NLGN1: variants seen among roughly 807,000 people sequenced by gnomAD.
The protein encoded by NLGN1 is neuroligin 1, also known as neuroligin-1.
A neutral mutation model predicts 65.5 loss-of-function variants in NLGN1; 12 were observed. That is an observed-to-expected ratio of 0.18 (90% CI 0.12 to 0.30). NLGN1 has a LOEUF of 0.30. Among genes scored for constraint, NLGN1 ranks in the 10% least tolerant of loss-of-function variants. The pLI, the probability that NLGN1 is intolerant of heterozygous loss-of-function variation, is 1.00. For missense variants in NLGN1, 750 were observed against 1,007.1 expected, an observed-to-expected ratio of 0.74 and a Z score of 3.46; for synonymous variants, 350 against 359.5, an observed-to-expected ratio of 0.97 and a Z score of 0.30.
intron 3 of NLGN1, among the ~76,000 whole-genome samples, chr3:173,767,532 G>C (rs1037307497): frequency 2.6e-5 from 4 of 151,852 alleles, no homozygotes; most frequent in African/African-American, 4.8e-5. Context: ...CTAAATGATC[G>C]TAATAACAGA....
intron 3 of NLGN1, among the ~76,000 whole-genome samples, chr3:173,617,328 A>C (rs1351139109): frequency 6.6e-6 from 1 of 152,200 alleles, no homozygotes; most frequent in Non-Finnish European, 1.5e-5. Context: ...GCCCCAGAAG[A>C]ACGTTTCTCT....
chr3:173,476,695 G>T (rs1036741822), intron 2 of NLGN1, among the ~76,000 whole-genome samples: 1 of 152,180 alleles, frequency 6.6e-6, no homozygotes, highest in African/African-American at 2.4e-5. Flanking sequence ...GCAAGGTACG[G>T]TTGCATTTTG....
intron 3 of NLGN1, among the ~76,000 whole-genome samples, chr3:173,781,144 C>CAAAAAA (rs769716428): frequency 3.7e-5 from 3 of 80,386 alleles, no homozygotes; most frequent in South Asian, 3.6e-4. Context: ...GACTCCGTCT[C>CAAAAAA]AAAAAAAAAA....
intron 4 of NLGN1, among the ~76,000 whole-genome samples, chr3:174,081,790 C>T (rs1407396432): frequency 1.3e-5 from 2 of 151,938 alleles, no homozygotes; most frequent in Non-Finnish European, 2.9e-5. Context: ...AGGCTGGTCT[C>T]GAACTCCCGA....
chr3:173,922,856 A>C (rs910285519), intron 4 of NLGN1, among the ~76,000 whole-genome samples: 1 of 152,134 alleles, frequency 6.6e-6, no homozygotes, highest in Admixed American at 6.6e-5. Flanking sequence ...AAATTCCACG[A>C]GCAATTCCAT....
chr3:174,107,017 C>CAG (rs71162376), intron 4 of NLGN1, among the ~76,000 whole-genome samples: 1,922 of 97,622 alleles, frequency 0.02, 76 homozygotes, highest in East Asian at 0.17. Flanking sequence ...CACACACACA[C>CAG]AGAGAGAGAG....
intron 2 of NLGN1, among the ~76,000 whole-genome samples, chr3:173,584,399 A>ATTTTTT (rs66827074): frequency 1.9e-3 from 58 of 30,822 alleles, no homozygotes; most frequent in African/African-American, 2.9e-3. Context: ...GGTCCTCGGC[A>ATTTTTT]TTTTTTTTTT....
intron 4 of NLGN1, among the ~76,000 whole-genome samples, chr3:174,018,467 A>AT (rs1727065195): frequency 6.6e-6 from 1 of 152,178 alleles, no homozygotes; most frequent in Non-Finnish European, 1.5e-5. Context: ...GGCATAAGAA[A>AT]TTATAAAAGT....
intron 3 of NLGN1, among the ~76,000 whole-genome samples, chr3:173,715,709 A>G (rs2292052): frequency 6.6e-6 from 1 of 152,150 alleles, no homozygotes; most frequent in Non-Finnish European, 1.5e-5. Context: ...AATAGCATCA[A>G]TTTTTAAGCT....
intron 4 of NLGN1, among the ~76,000 whole-genome samples, chr3:174,166,990 T>C (rs1309806796): frequency 1.3e-5 from 2 of 152,092 alleles, no homozygotes; most frequent in African/African-American, 4.8e-5. Context: ...TTATCTGATA[T>C]AAGAATTGCA....
At chr3:173,733,688 C>A (rs1773241881) in intron 3 of NLGN1, among the ~76,000 whole-genome samples, 1 of 152,030 alleles carries the variant, frequency 6.6e-6, no homozygotes, top group African/African-American at 2.4e-5. Flanking sequence ...GTATATAAAC[C>A]ATTTTTGCTG....
At chr3:173,440,621 G>GC (rs1208947911) in intron 2 of NLGN1, among the ~76,000 whole-genome samples, 1 of 152,098 alleles carries the variant, frequency 6.6e-6, no homozygotes, top group Non-Finnish European at 1.5e-5. Context: ...TTGTCAATGA[G>GC]CAGTAATATT....
chr3:173,994,220 G>A (rs928645393), intron 4 of NLGN1, among the ~76,000 whole-genome samples: 2 of 151,888 alleles, frequency 1.3e-5, no homozygotes, highest in African/African-American at 4.8e-5. Flanking sequence ...TGATCCTACT[G>A]CCTCTGCCTC....
At chr3:173,544,594 A>G (rs565336859) in intron 2 of NLGN1, among the ~76,000 whole-genome samples, 18 of 152,148 alleles carry the variant, frequency 1.2e-4, no homozygotes, top group Non-Finnish European at 2.4e-4. Flanking sequence ...GACAAGTTTG[A>G]GATACATTGA....
chr3:174,167,753 G>A (rs965564940), intron 4 of NLGN1, among the ~76,000 whole-genome samples: 1 of 151,648 alleles, frequency 6.6e-6, no homozygotes, highest in Non-Finnish European at 1.5e-5. Flanking sequence ...TACCTTTCTA[G>A]AAAGATTAGA....
At chr3:173,554,608 T>A (rs754202375) in intron 2 of NLGN1, among the ~76,000 whole-genome samples, 72 of 152,344 alleles carry the variant, frequency 4.7e-4, no homozygotes, top group Middle Eastern at 6.8e-3. Context: ...CCAGGTTGAG[T>A]TTATCACCAG....
chr3:173,662,084 C>T (rs570005963), intron 3 of NLGN1, among the ~76,000 whole-genome samples: 1 of 152,108 alleles, frequency 6.6e-6, no homozygotes, highest in Admixed American at 6.6e-5. Flanking sequence ...GCTTATAATT[C>T]TCTTCCCCTT....
intron 4 of NLGN1, among the ~76,000 whole-genome samples, chr3:173,922,499 A>G (rs1039837777): frequency 1.3e-5 from 2 of 152,264 alleles, no homozygotes; most frequent in South Asian, 2.1e-4. Context: ...AAATAAAAAC[A>G]TTAAATATTA....
chr3:173,465,839 A>T (rs537863516), intron 2 of NLGN1, among the ~76,000 whole-genome samples: 1 of 152,306 alleles, frequency 6.6e-6, no homozygotes, highest in African/African-American at 2.4e-5. Context: ...AAGAAAGAAG[A>T]TTCCATCGAC....
Sources: gnomAD v4.1 joint callset for allele counts (sites outside exome capture counted in the v4.1 genomes callset) on GRCh38, gnomAD v4.1.1 for gene constraint, MANE v1.5 for transcripts, NCBI Gene and HGNC (gene_info 2026-07-23, HGNC 2026-07-21) for gene names.